CDC42BPA: variants seen among roughly 807,000 people sequenced by gnomAD.
The protein encoded by CDC42BPA is CDC42 binding protein kinase alpha.
CDC42BPA carries 80 observed loss-of-function variants against 223.5 expected under a neutral mutation model. The observed-to-expected ratio is 0.36, with a 90% CI of 0.30 to 0.43. CDC42BPA has a LOEUF of 0.43. Ranked by LOEUF, CDC42BPA falls within the 20% of genes least tolerant of loss-of-function variation. The probability of loss-of-function intolerance (pLI) is 1.00; values close to 1 mark genes in which losing one functional copy is unlikely to be tolerated. For missense variants in CDC42BPA, 1,743 were observed against 2,099.9 expected, an observed-to-expected ratio of 0.83 and a Z score of 3.32; for synonymous variants, 694 against 718.6, an observed-to-expected ratio of 0.97 and a Z score of 0.55.
chr1:227,165,038 C>A (rs1468390756), intron 5 of CDC42BPA, among the ~76,000 whole-genome samples: 6 of 106,464 alleles, frequency 5.6e-5, no homozygotes, highest in Non-Finnish European at 1.2e-4. Flanking sequence ...ATTAATTAAA[C>A]ATTTACAGCA....
intron 2 of CDC42BPA, among the ~76,000 whole-genome samples, chr1:227,226,743 ATT>A (rs1263420320): frequency 6.6e-6 from 1 of 152,202 alleles, no homozygotes; most frequent in Non-Finnish European, 1.5e-5. Flanking sequence ...AACTAGACTC[ATT>A]TACTTCCCTC....
intron 16 of CDC42BPA, among the ~76,000 whole-genome samples, chr1:227,085,831 TTAC>T (rs1305174134): frequency 6.6e-6 from 1 of 152,212 alleles, no homozygotes; most frequent in African/African-American, 2.4e-5. Context: ...TTTCACACTT[TTAC>T]TGAGGTATAA....
At chr1:227,005,576 T>C (rs768597249) in intron 34 of CDC42BPA, among the ~76,000 whole-genome samples, 1 of 152,242 alleles carries the variant, frequency 6.6e-6, no homozygotes, top group East Asian at 1.9e-4. Context: ...ATGTGCCATT[T>C]ATAAGTTCAC....
At chr1:227,244,945 G>A (rs1023725241) in intron 2 of CDC42BPA, among the ~76,000 whole-genome samples, 1 of 152,184 alleles carries the variant, frequency 6.6e-6, no homozygotes, top group African/African-American at 2.4e-5. Flanking sequence ...CTCAGCCAGT[G>A]GCCATGCTTG....
intron 34 of CDC42BPA, among the ~76,000 whole-genome samples, chr1:227,008,610 A>G (rs375736484): frequency 2.6e-5 from 4 of 152,126 alleles, no homozygotes; most frequent in East Asian, 3.9e-4. Context: ...GCTTTCCTAC[A>G]TGCACCTGAA....
intron 3 of CDC42BPA, among the ~76,000 whole-genome samples, chr1:227,204,639 AT>A (rs1672348892): frequency 6.6e-6 from 1 of 152,134 alleles, no homozygotes; most frequent in Admixed American, 6.6e-5. Context: ...GCCCACACCA[AT>A]ATCTCTAACA....
At chr1:227,276,883 C>T in intron 1 of CDC42BPA, among the ~76,000 whole-genome samples, 1 of 151,988 alleles carries the variant, frequency 6.6e-6, no homozygotes, top group East Asian at 2.0e-4. Flanking sequence ...GCAGCATGCT[C>T]GTTAAGAGTC....
At chr1:227,142,768 T>C (rs1291575683) in intron 9 of CDC42BPA, among the ~76,000 whole-genome samples, 177 bp downstream of exon 9, 2 of 152,026 alleles carry the variant, frequency 1.3e-5, no homozygotes. Flanking sequence ...TACAGGCACC[T>C]GCCACCACGC....
intron 6 of CDC42BPA, among the ~76,000 whole-genome samples, chr1:227,157,859 G>A (rs954585659): frequency 5.3e-5 from 8 of 151,408 alleles, no homozygotes; most frequent in Admixed American, 1.3e-4. Flanking sequence ...CTTTCTAATC[G>A]TAAAATGTCC....
intron 31 of CDC42BPA, 102 bp from the exon 32 acceptor site, chr1:227,023,449 T>C: frequency 1.8e-6 from 1 of 541,238 alleles, no homozygotes; most frequent in Non-Finnish European, 3.2e-6. Context: ...GACTTCTCAT[T>C]TATCTACTTC....
rs184887490 is a variant in CDC42BPA, at chr1:227,092,986, C to T, written c.2250-995G>A. Reference sequence around the variant, plus strand: ...TCTCAATTTAAAAAAATCAACATTACTAGAACACTTACCATCTGAATTCAC... The same window carrying T: ...TCTCAATTTAAAAAAATCAACATTATTAGAACACTTACCATCTGAATTCAC... On this transcript the variant is annotated intron_variant, in intron 15 of 36. Transcript: ENST00000366766. Among the ~76,000 whole-genome samples, 131 of 151,486 alleles carry T rather than the reference C, an allele frequency of 8.6e-4. 1 individual carries two copies. The highest frequency in any genetic ancestry group is 3.1e-3 in the African/African-American group (125 of 40,792).
chr1:227,258,492 A>G (rs1469911131), intron 1 of CDC42BPA, among the ~76,000 whole-genome samples: 1 of 151,018 alleles, frequency 6.6e-6, no homozygotes, highest in Non-Finnish European at 1.5e-5. Flanking sequence ...ATCTTGTCAT[A>G]TGATGATACC....
intron 19 of CDC42BPA, among the ~76,000 whole-genome samples, chr1:227,073,080 T>C (rs912913292): frequency 1.3e-5 from 2 of 152,182 alleles, no homozygotes; most frequent in African/African-American, 4.8e-5. Context: ...TTAAGGACTA[T>C]GACTACACAC....
chr1:227,000,128 TAATAATAAG>T lies in CDC42BPA; in HGVS notation c.4975+4857_4975+4865del, dbSNP rs1232931952. Among the ~76,000 whole-genome samples, 368 of 58,778 alleles carry T rather than the reference TAATAATAAG, an allele frequency of 6.3e-3. 1 individual carries two copies. The highest frequency in any genetic ancestry group is 0.012 in the Non-Finnish European group (235 of 19,568). The allele number at this position is 58,778 out of a possible 152,430, so 38.6% of individuals were successfully genotyped here. A position where few individuals can be genotyped will look rare whatever the true frequency, so the allele number is the denominator to read the frequency against. ...ATAATAATAATAATAATAATAATAATAATAATAAGCTCTCCTGATGATTCCAGAAGGCCC... is the reference window on the plus strand; with the variant it reads ...ATAATAATAATAATAATAATAATAATCTCTCCTGATGATTCCAGAAGGCCC... On this transcript the variant is annotated intron_variant, in intron 35 of 36. Transcript: ENST00000366766.
chr1:227,226,465 T>C (rs779602405), intron 2 of CDC42BPA, among the ~76,000 whole-genome samples: 4 of 152,198 alleles, frequency 2.6e-5, no homozygotes, highest in Admixed American at 6.5e-5. Flanking sequence ...TATATCATAG[T>C]CCATAGATGG....
At chr1:227,010,419 T>C (rs991402192) in intron 34 of CDC42BPA, among the ~76,000 whole-genome samples, 15 of 152,178 alleles carry the variant, frequency 9.9e-5, no homozygotes, top group African/African-American at 3.4e-4. Context: ...AAGGGGTTTA[T>C]TGTAGATAGG....
Position 227,069,793 on chromosome 1 carries a change from G to C in CDC42BPA, c.2888C>G (p.Ala963Gly), listed in dbSNP as rs1460321551. 3.1e-6 allele frequency: 5 copies of C among 1,609,398 alleles called. No individual in the cohort carries two copies. In the South Asian group the frequency reaches 5.5e-5, roughly 18 times the overall value. ...FLAFLNTPTD[A>G]LDQFETDPVE... Reference sequence around the variant, plus strand: ...AATACTTACTTCAAATTGATCCAGAGCATCGGTAGGCGTATTCAAAAATGC... The same window carrying C: ...AATACTTACTTCAAATTGATCCAGACCATCGGTAGGCGTATTCAAAAATGC... Residue 963 changes from alanine to glycine, a missense_variant, in exon 21 of 37, where the codon GCT becomes GGT. Ala to Gly is a moderately conservative substitution (Grantham distance 60). Transcript: ENST00000366766.
chr1:227,070,338 AG>A (rs1203219423), intron 20 of CDC42BPA, among the ~76,000 whole-genome samples: 1 of 151,552 alleles, frequency 6.6e-6, no homozygotes, highest in African/African-American at 2.4e-5. Context: ...ATCTGATTTC[AG>A]GTATTTTTTT....
At chr1:227,131,450 T>C (rs1204320323) in intron 10 of CDC42BPA, among the ~76,000 whole-genome samples, 2 of 152,232 alleles carry the variant, frequency 1.3e-5, no homozygotes. Flanking sequence ...TAATCTCCCA[T>C]TAAATGAAAG....
Sources: allele counts gnomAD v4.1 joint callset (sites outside exome capture counted in the v4.1 genomes callset), GRCh38; gene constraint gnomAD v4.1.1; transcripts MANE v1.5; gene names NCBI Gene and HGNC (gene_info 2026-07-23, HGNC 2026-07-21).